AKIRIN2: variants seen among roughly 807,000 people sequenced by gnomAD.
The protein encoded by AKIRIN2 is akirin-2.
A neutral mutation model predicts 29.3 loss-of-function variants in AKIRIN2; 6 were observed. The ratio of observed to expected loss-of-function variants is 0.20; its 90% CI spans 0.11 to 0.40. AKIRIN2 has a LOEUF of 0.40. Ranked by LOEUF, AKIRIN2 falls within the 10% of genes least tolerant of loss-of-function variation. The pLI, the probability that AKIRIN2 is intolerant of heterozygous loss-of-function variation, is 1.00. For missense variants in AKIRIN2, 210 were observed against 276.1 expected, an observed-to-expected ratio of 0.76 and a Z score of 1.70; for synonymous variants, 128 against 117.5, an observed-to-expected ratio of 1.09 and a Z score of -0.58.
At position 87,675,442 on chromosome 6, in the gene AKIRIN2, C is replaced by A; in HGVS notation, c.*155G>T. On this transcript the variant is annotated 3_prime_UTR_variant, in exon 5 of 5. Coordinates refer to ENST00000257787, the MANE Select transcript of AKIRIN2 (RefSeq NM_018064.4). ...ACTGACATCAGGGAAATTTCCAAAA[C>A]CAGTTGCTGCTGCCTAAGAGTGGTT... 9.8e-7 allele frequency: 1 copy of A among 1,025,532 alleles called. No homozygotes were observed. The highest frequency in any genetic ancestry group is 1.5e-6 in the Non-Finnish European group (1 of 682,390). The allele number at this position is 1,025,532 out of a possible 1,614,324, so 63.5% of individuals were successfully genotyped here.
At chr6:87,690,954 CAG>C (rs1164294173) in intron 1 of AKIRIN2, among the ~76,000 whole-genome samples, 2 of 152,136 alleles carry the variant, frequency 1.3e-5, no homozygotes, top group Non-Finnish European at 1.5e-5. Context: ...GCCTGGGCAA[CAG>C]AGTGAGACGG....
intron 1 of AKIRIN2, among the ~76,000 whole-genome samples, chr6:87,694,640 A>T (rs1274581429): frequency 1.3e-5 from 2 of 152,230 alleles, no homozygotes; most frequent in Non-Finnish European, 2.9e-5. Flanking sequence ...TACAATGTTA[A>T]TAAAATCACA....
At chr6:87,695,244 G>GT (rs1771339098) in intron 1 of AKIRIN2, among the ~76,000 whole-genome samples, 1 of 152,106 alleles carries the variant, frequency 6.6e-6, no homozygotes, top group African/African-American at 2.4e-5. Flanking sequence ...CCTCAGAAAA[G>GT]TATTATTCAA....
chr6:87,693,840 T>C lies in AKIRIN2; in HGVS notation c.235+7610A>G, dbSNP rs541162611. Among the ~76,000 whole-genome samples the C allele has an allele frequency of 3.3e-5, 5 of 152,254 alleles. No homozygotes were observed. In the South Asian group the frequency reaches 1.0e-3, roughly 32 times the overall value. On this transcript the variant is annotated intron_variant, in intron 1 of 4. Coordinates refer to ENST00000257787, the MANE Select transcript of AKIRIN2 (RefSeq NM_018064.4). The stretch of plus-strand genomic sequence containing the variant: ...TAATGCACTATTTTACCCTGGGCTA[T>C]GAAAGATTGTCACAGTGAACATCAA...
At position 87,681,736 on chromosome 6, in the gene AKIRIN2, T is replaced by A; in HGVS notation, c.263A>T (p.Glu88Val). ...TCTTCTCTTCTGCATTCGTTTATACTCTTGTTTTATGTTGTACAGAATTTG... is the reference window on the plus strand; with the variant it reads ...TCTTCTCTTCTGCATTCGTTTATACACTTGTTTTATGTTGTACAGAATTTG... ...TEQILYNIKQEYKRMQKRRHL... is the reference protein window; with the variant it reads ...TEQILYNIKQVYKRMQKRRHL... The change falls in exon 2 of 5, where the codon GAG becomes GTG. Residue 88 changes from glutamate (E) to valine (V), a missense_variant. Coordinates refer to ENST00000257787, the MANE Select transcript of AKIRIN2 (RefSeq NM_018064.4). 5 of 1,607,174 alleles carry A rather than the reference T, an allele frequency of 3.1e-6. No homozygotes were observed. The highest frequency in any genetic ancestry group is 3.4e-6 in the Non-Finnish European group (4 of 1,176,656).
chr6:87,681,843 A>G, intron 1 of AKIRIN2, 80 bp from the exon 2 acceptor site: 1 of 1,204,276 alleles, frequency 8.3e-7, no homozygotes, highest in Non-Finnish European at 1.1e-6. Context: ...ATTATTTAGT[A>G]GACCAATCTA....
In AKIRIN2 at chr6:87,701,707, G is replaced by A; in HGVS notation, c.-23C>T. On this transcript the variant is annotated 5_prime_UTR_variant, in exon 1 of 5. Coordinates refer to ENST00000257787, the MANE Select transcript of AKIRIN2 (RefSeq NM_018064.4). ...CATGGCCGGGGGCAGCTGAGGCGCC[G>A]GGCTCGGGTGGGGTCGGGGACGGGT... 2 of 1,420,724 alleles carry A rather than the reference G, an allele frequency of 1.4e-6. No individual in the cohort carries two copies. The highest frequency in any genetic ancestry group is 1.8e-6 in the Non-Finnish European group (2 of 1,084,768). 88.0% of individuals were successfully genotyped at this position (1,420,724 alleles called of 1,614,324 possible).
intron 1 of AKIRIN2, 113 bp from the exon 2 acceptor site, chr6:87,681,876 A>C (rs1009454995): frequency 6.7e-6 from 6 of 901,916 alleles, no homozygotes; most frequent in African/African-American, 1.7e-5. Flanking sequence ...CTTTCAAATA[A>C]TATCCAGAAA....
At chr6:87,680,763 GC>G (rs1208134700) in intron 2 of AKIRIN2, among the ~76,000 whole-genome samples, 73 of 29,640 alleles carry the variant, frequency 2.5e-3, no homozygotes, top group South Asian at 6.5e-3. Flanking sequence ...CTTATTCCCC[GC>G]CCCCCCCCTT....
intron 1 of AKIRIN2, among the ~76,000 whole-genome samples, chr6:87,696,909 G>A (rs1771376400): frequency 6.6e-6 from 1 of 151,914 alleles, no homozygotes; most frequent in Admixed American, 6.6e-5. Flanking sequence ...AGGAGGCTGA[G>A]GCAGGAGAAT....
chr6:87,682,742 AGAGTG>A (rs1421506762), intron 1 of AKIRIN2, among the ~76,000 whole-genome samples: 1 of 152,238 alleles, frequency 6.6e-6, no homozygotes, highest in Non-Finnish European at 1.5e-5. Context: ...AAAGACTGAT[AGAGTG>A]GAGTGTAGCC....
intron 1 of AKIRIN2, among the ~76,000 whole-genome samples, chr6:87,682,075 G>A (rs1771129951): frequency 6.6e-6 from 1 of 152,198 alleles, no homozygotes; most frequent in South Asian, 2.1e-4. Flanking sequence ...AGATTCTTAA[G>A]AGTTCCAAAC....
In AKIRIN2 at chr6:87,701,841, A is replaced by AGCCGCTGCC. The variant is rs577897591; in HGVS notation, c.-166_-158dup. 1.3e-3 allele frequency: 655 copies of AGCCGCTGCC among 486,356 alleles called. 2 individuals carry two copies. The highest frequency in any genetic ancestry group is 2.0e-3 in the Non-Finnish European group (597 of 291,438). 30.1% of individuals were successfully genotyped at this position (486,356 alleles called of 1,614,324 possible). ...GCGGAGCGCCGGCTGTGGAAAGGAG[A>AGCCGCTGCC]GCCGCTGCCGCCGCTGCCTCCGCGG... On this transcript the variant is annotated 5_prime_UTR_variant, in exon 1 of 5. Coordinates refer to ENST00000257787, the MANE Select transcript of AKIRIN2 (RefSeq NM_018064.4).
chr6:87,696,988 AGAGTGAGACTCCGTCTCAAAACAAAC>A lies in AKIRIN2; in HGVS notation c.235+4436_235+4461del, dbSNP rs1389482746. Among the ~76,000 whole-genome samples the A allele has an allele frequency of 2.6e-5, 4 of 152,008 alleles. 1 individual carries two copies. The highest frequency in any genetic ancestry group is 5.9e-5 in the Non-Finnish European group (4 of 68,000). ...GCCACTGCACTCTAGCCTAGGCGAC[AGAGTGAGACTCCGTCTCAAAACAAAC>A]GAACAAAAAAAAAGCCGGCGGCACA... On this transcript the variant is annotated intron_variant, in intron 1 of 4. Transcript: ENST00000257787.
At chr6:87,687,212 C>T (rs559200745) in intron 1 of AKIRIN2, among the ~76,000 whole-genome samples, 2 of 147,690 alleles carry the variant, frequency 1.4e-5, no homozygotes, top group East Asian at 3.9e-4. Context: ...TTCTGAACTA[C>T]ATACTAGATA....
At chr6:87,689,770 C>T (rs1402471240) in intron 1 of AKIRIN2, among the ~76,000 whole-genome samples, 1 of 152,178 alleles carries the variant, frequency 6.6e-6, no homozygotes, top group Non-Finnish European at 1.5e-5. Context: ...AATGTAGACT[C>T]TGAAGGGTGG....
intron 1 of AKIRIN2, chr6:87,700,804 A>G (rs1480024149): frequency 6.5e-6 from 1 of 154,888 alleles, no homozygotes; most frequent in Admixed American, 6.5e-5. Context: ...GTGTGATCAT[A>G]TTACAGTACT....
At chr6:87,679,033 G>A (rs1771073700) in intron 2 of AKIRIN2, among the ~76,000 whole-genome samples, 1 of 151,678 alleles carries the variant, frequency 6.6e-6, no homozygotes, top group Admixed American at 6.6e-5. Context: ...TACTTAGGAG[G>A]CTGAGGCAGG....
At chr6:87,682,551 G>A (rs1269047460) in intron 1 of AKIRIN2, among the ~76,000 whole-genome samples, 1 of 151,998 alleles carries the variant, frequency 6.6e-6, no homozygotes, top group Non-Finnish European at 1.5e-5. Context: ...ATTACCATCT[G>A]GCCCCTCCAG....
Sources: gnomAD v4.1 joint callset for allele counts (sites outside exome capture counted in the v4.1 genomes callset) on GRCh38, gnomAD v4.1.1 for gene constraint, MANE v1.5 for transcripts, NCBI Gene and HGNC (gene_info 2026-07-23, HGNC 2026-07-21) for gene names.